The following NUBPL variants were observed in gnomAD, a reference collection of about 807,000 sequenced individuals.
NUBPL encodes iron-sulfur cluster transfer protein NUBPL.
Under a neutral mutation model 45.7 loss-of-function variants are expected in NUBPL, and 31 were observed. The ratio of observed to expected loss-of-function variants is 0.68; its 90% confidence interval spans 0.51 to 0.92. The LOEUF is 0.92. NUBPL is among the 40% of genes least tolerant of loss of function. NUBPL has a pLI of 0.00. For synonymous variants in NUBPL, 144 were observed against 140.9 expected (o/e 1.02, Z -0.15); for missense variants, 401 against 398.7 (o/e 1.01, Z -0.05).
intron 4 of NUBPL, among the ~76,000 whole-genome samples, chr14:31,635,800 C>T (rs2035478335): frequency 6.6e-6 from 1 of 151,746 alleles, no homozygotes; most frequent in Admixed American, 6.6e-5. Flanking sequence ...TGAAGAGGTC[C>T]TTCACATCCC....
rs902820271 is a variant in NUBPL, at chr14:31,582,300, G to A, written c.292-16989G>A. ...GATAAAGGGGGCTTGTTTATGAATG[G>A]AGTATTCTAGTGAGCAAACACCAGC... is the stretch of plus-strand genomic sequence containing the variant. On this transcript the variant is annotated intron_variant, in intron 3 of 10. Coordinates refer to ENST00000281081, the MANE Select transcript of NUBPL (RefSeq NM_025152.3). Among the ~76,000 whole-genome samples the A allele has an allele frequency of 1.2e-4, 18 of 151,756 alleles. 1 individual carries two copies. Among genetic ancestry groups the A allele is most frequent in the Admixed American group, 1.2e-3 (18 of 15,238 alleles).
At chr14:31,788,392 C>G (rs892358639) in intron 7 of NUBPL, among the ~76,000 whole-genome samples, 3 of 152,298 alleles carry the variant, frequency 2.0e-5, no homozygotes, top group South Asian at 4.1e-4. Context: ...CAAGTCTCTG[C>G]CATTGTCTTT....
At chr14:31,683,636 C>T (rs1021472138) in intron 6 of NUBPL, among the ~76,000 whole-genome samples, 1 of 152,150 alleles carries the variant, frequency 6.6e-6, no homozygotes, top group African/African-American at 2.4e-5. Context: ...CAGGCGTGAG[C>T]CACCGCGCCC....
intron 6 of NUBPL, among the ~76,000 whole-genome samples, chr14:31,734,761 G>A (rs2038129333): frequency 7.0e-6 from 1 of 143,308 alleles, no homozygotes; most frequent in Non-Finnish European, 1.5e-5. Flanking sequence ...TGAAATAGTA[G>A]CAAGAATACT....
chr14:31,569,583 T>C (rs111687502), intron 3 of NUBPL, among the ~76,000 whole-genome samples: 1,611 of 152,262 alleles, frequency 0.011, 22 homozygotes, highest in African/African-American at 0.037. Flanking sequence ...TTTGAGGATG[T>C]GGATGGGTAG....
At chr14:31,703,360 T>G (rs959713961) in intron 6 of NUBPL, among the ~76,000 whole-genome samples, 1 of 152,224 alleles carries the variant, frequency 6.6e-6, no homozygotes, top group Non-Finnish European at 1.5e-5. Flanking sequence ...ATTGTACACA[T>G]GCCCATCTGA....
At chr14:31,751,709 G>A (rs765575656) in intron 6 of NUBPL, among the ~76,000 whole-genome samples, 1 of 152,204 alleles carries the variant, frequency 6.6e-6, no homozygotes, top group Non-Finnish European at 1.5e-5. Flanking sequence ...GGAGAATAGT[G>A]GCCCTCTTCT....
chr14:31,667,160 A>G (rs1326485313), intron 4 of NUBPL, among the ~76,000 whole-genome samples: 1 of 151,994 alleles, frequency 6.6e-6, no homozygotes, highest in Non-Finnish European at 1.5e-5. Flanking sequence ...GCTCGGTTAC[A>G]TTCTCCTCAT....
At chr14:31,561,892 A>C in intron 1 of NUBPL, 176 bp from the exon 2 acceptor site, 2 of 663,112 alleles carry the variant, frequency 3.0e-6, no homozygotes, top group Non-Finnish European at 5.1e-6. Context: ...CAATTTAAGC[A>C]ATGTGTCTTT....
intron 4 of NUBPL, among the ~76,000 whole-genome samples, chr14:31,667,559 G>A (rs753019950): frequency 4.6e-5 from 7 of 151,800 alleles, no homozygotes; most frequent in African/African-American, 1.2e-4. Flanking sequence ...CTGTCAATTC[G>A]TCATACTCTT....
intron 4 of NUBPL, among the ~76,000 whole-genome samples, chr14:31,634,482 C>T (rs940916817): frequency 6.6e-6 from 1 of 151,970 alleles, no homozygotes; most frequent in Non-Finnish European, 1.5e-5. Flanking sequence ...TTAATCCAGT[C>T]TATCATTGTT....
chr14:31,826,659 T>C lies in NUBPL; in HGVS notation c.638T>C (p.Ile213Thr). 2 of 1,614,154 alleles carry C rather than the reference T, an allele frequency of 1.2e-6. No homozygotes were observed. Among genetic ancestry groups the C allele is most frequent in the Non-Finnish European group, 1.7e-6 (2 of 1,179,994 alleles). ...GAVIVSTPQD[I>T]ALMDAHKGAE... Reference sequence around the variant, plus strand: ...GTGATTGTCTCCACGCCCCAGGACATCGCATTGATGGATGCACACAAGGGT... The same window carrying C: ...GTGATTGTCTCCACGCCCCAGGACACCGCATTGATGGATGCACACAAGGGT... Residue 213 changes from isoleucine to threonine, a missense_variant, in exon 8 of 11, where the codon ATC (isoleucine) becomes ACC (threonine). Ile to Thr is a moderately conservative substitution (Grantham distance 89, BLOSUM62 -1). Coordinates refer to ENST00000281081, the MANE Select transcript of NUBPL (RefSeq NM_025152.3).
At chr14:31,728,139 G>A (rs2139968621) in intron 6 of NUBPL, among the ~76,000 whole-genome samples, 1 of 151,884 alleles carries the variant, frequency 6.6e-6, no homozygotes, top group South Asian at 2.1e-4. Flanking sequence ...ATTGAAGCTA[G>A]TTTTTTTTAC....
chr14:31,756,109 A>T (rs995491982), intron 6 of NUBPL, among the ~76,000 whole-genome samples: 9 of 151,512 alleles, frequency 5.9e-5, no homozygotes, highest in African/African-American at 1.9e-4. Context: ...GTAGCCTTGT[A>T]GTATAGTTTG....
intron 7 of NUBPL, among the ~76,000 whole-genome samples, chr14:31,804,258 A>T (rs1166271049): frequency 1.3e-5 from 2 of 152,228 alleles, no homozygotes; most frequent in Admixed American, 1.3e-4. Flanking sequence ...TATGAACAGA[A>T]TATTTATATT....
chr14:31,753,544 G>T (rs1459833047), intron 6 of NUBPL, among the ~76,000 whole-genome samples: 1 of 152,162 alleles, frequency 6.6e-6, no homozygotes. Flanking sequence ...TGAAATGACA[G>T]TGGAGCCCCA....
intron 10 of NUBPL, among the ~76,000 whole-genome samples, chr14:31,855,828 T>C (rs938576754): frequency 1.3e-5 from 2 of 152,120 alleles, no homozygotes; most frequent in Admixed American, 1.3e-4. Context: ...TCAGCTTAGG[T>C]TCAAAGCCCA....
intron 4 of NUBPL, among the ~76,000 whole-genome samples, chr14:31,644,718 A>C (rs566970456): frequency 6.6e-6 from 1 of 152,216 alleles, no homozygotes; most frequent in South Asian, 2.1e-4. Flanking sequence ...TTTTGTCTAG[A>C]TGATCCATCC....
intron 8 of NUBPL, among the ~76,000 whole-genome samples, chr14:31,839,709 A>G (rs1391977847): frequency 6.6e-6 from 1 of 152,206 alleles, no homozygotes; most frequent in African/African-American, 2.4e-5. Context: ...TAAGGAGTTA[A>G]TATTCAAAGT....
Sources: gnomAD v4.1 joint callset for allele counts (sites outside exome capture counted in the v4.1 genomes callset) on GRCh38, gnomAD v4.1.1 for gene constraint, MANE v1.5 for transcripts, NCBI Gene and HGNC (gene_info 2026-07-23, HGNC 2026-07-21) for gene names.